RANBP2: variants seen among roughly 807,000 people sequenced by gnomAD.
The protein encoded by RANBP2 is E3 SUMO-protein ligase RanBP2.
A neutral mutation model predicts 303.6 loss-of-function variants in RANBP2; 57 were observed. That is an observed-to-expected ratio of 0.19 (90% CI 0.15 to 0.23). The LOEUF (loss-of-function observed/expected upper bound fraction) is 0.23. RANBP2 is among the 10% of genes least tolerant of loss of function. The pLI, the probability that RANBP2 is intolerant of heterozygous loss-of-function variation, is 1.00. For missense variants in RANBP2, 3,138 were observed against 3,780.8 expected (o/e 0.83, Z 4.46); for synonymous variants, 1,167 against 1,301.5 (o/e 0.90, Z 2.23).
chr2:109,102,304 G>C, the RANBP2 span, among the ~76,000 whole-genome samples: 3 of 151,746 alleles, frequency 2.0e-5, no homozygotes, highest in Non-Finnish European at 2.9e-5. Flanking sequence ...GTTTCACCGT[G>C]TTAGCCAGGA....
At chr2:109,686,985 G>T in the RANBP2 span, among the ~76,000 whole-genome samples, 139 of 152,298 alleles carry the variant, frequency 9.1e-4, no homozygotes, top group Non-Finnish European at 1.7e-3. Context: ...AAAGTTGCTG[G>T]TTTGAACAGG....
chr2:108,764,059 C>T lies in RANBP2; in HGVS notation c.3520C>T (p.Pro1174Ser). 1 of 1,613,940 alleles carries T rather than the reference C, an allele frequency of 6.2e-7. No individual in the cohort carries two copies. Among genetic ancestry groups the T allele is most frequent in the Non-Finnish European group, 8.5e-7 (1 of 1,179,956 alleles). Reference protein sequence around the residue: ...DDDDDGPHFEPVVPLPDKIEV... With the variant: ...DDDDDGPHFESVVPLPDKIEV... ...TGATGATGACGGTCCTCACTTTGAG[C>T]CTGTAGTACCTCTTCCTGATAAGAT... Residue 1174 changes from proline to serine, a missense_variant, in exon 20 of 29, where the codon CCT (proline) becomes TCT (serine). Transcript: ENST00000283195.
chr2:108,737,854 C>T (rs1456742497), intron 6 of RANBP2, among the ~76,000 whole-genome samples: 3 of 147,114 alleles, frequency 2.0e-5, no homozygotes, highest in Admixed American at 1.3e-4. Context: ...GCTGGGACTA[C>T]AGGCGCCCAC....
At chr2:109,646,344 T>G in the RANBP2 span, among the ~76,000 whole-genome samples, 1 of 152,106 alleles carries the variant, frequency 6.6e-6, no homozygotes, top group Non-Finnish European at 1.5e-5. Context: ...TTTAAAAAAT[T>G]AAATGAATTT....
chr2:108,776,387 GTTAAA>G (rs950218082), intron 24 of RANBP2, among the ~76,000 whole-genome samples: 7 of 152,054 alleles, frequency 4.6e-5, no homozygotes, highest in Admixed American at 4.6e-4. Flanking sequence ...TTTAAAGCTT[GTTAAA>G]TTAATTATTC....
chr2:109,202,463 C>G, the RANBP2 span, among the ~76,000 whole-genome samples: 1 of 152,196 alleles, frequency 6.6e-6, no homozygotes, highest in African/African-American at 2.4e-5. Context: ...TTACACAGTA[C>G]TTTTTCTCTT....
the RANBP2 span, among the ~76,000 whole-genome samples, chr2:109,513,044 G>C: frequency 6.6e-6 from 1 of 152,190 alleles, no homozygotes; most frequent in Non-Finnish European, 1.5e-5. Context: ...AAGGTGCAAG[G>C]CCCGAAGGAG....
At chr2:109,333,270 C>A in the RANBP2 span, among the ~76,000 whole-genome samples, 2 of 152,334 alleles carry the variant, frequency 1.3e-5, no homozygotes, top group East Asian at 3.9e-4. Context: ...TGATTAGTTT[C>A]GCCTTTTAAA....
chr2:109,774,532 T>A, the RANBP2 span, among the ~76,000 whole-genome samples: 2 of 91,686 alleles, frequency 2.2e-5, no homozygotes, highest in African/African-American at 1.2e-4. Flanking sequence ...TTATATATAT[T>A]ATATATAAAA....
chr2:109,253,710 A>G, the RANBP2 span, among the ~76,000 whole-genome samples: 1 of 152,214 alleles, frequency 6.6e-6, no homozygotes, highest in African/African-American at 2.4e-5. Context: ...AATAGAACAT[A>G]TAATAGAACA....
the RANBP2 span, among the ~76,000 whole-genome samples, chr2:109,360,400 C>G: frequency 6.6e-6 from 1 of 151,992 alleles, no homozygotes; most frequent in African/African-American, 2.4e-5. Flanking sequence ...TTTGTAGGCT[C>G]GATGTACACA....
At chr2:108,904,025 A>G in the RANBP2 span, among the ~76,000 whole-genome samples, 1 of 152,212 alleles carries the variant, frequency 6.6e-6, no homozygotes, top group African/African-American at 2.4e-5. Context: ...AAGATAAGCT[A>G]AACTATAGAA....
the RANBP2 span, among the ~76,000 whole-genome samples, chr2:109,318,469 G>T: frequency 6.6e-5 from 10 of 152,184 alleles, no homozygotes; most frequent in Non-Finnish European, 1.2e-4. Context: ...CTCGGCATAC[G>T]CGTTTATCTG....
chr2:108,935,774 G>A, the RANBP2 span, among the ~76,000 whole-genome samples: 2 of 152,206 alleles, frequency 1.3e-5, no homozygotes, highest in Admixed American at 1.3e-4. Context: ...CCTAAGGACG[G>A]TGCCAGACAG....
At chr2:108,833,659 A>G in the RANBP2 span, among the ~76,000 whole-genome samples, 1 of 152,166 alleles carries the variant, frequency 6.6e-6, no homozygotes, top group East Asian at 1.9e-4. Context: ...GTACTTACAT[A>G]ATAAGAAACG....
chr2:109,414,416 T>C, the RANBP2 span, among the ~76,000 whole-genome samples: 1 of 152,012 alleles, frequency 6.6e-6, no homozygotes, highest in Non-Finnish European at 1.5e-5. Flanking sequence ...TTTCATCTGG[T>C]TTTTCAGTTT....
chr2:109,292,320 G>C, the RANBP2 span, among the ~76,000 whole-genome samples: 9 of 152,198 alleles, frequency 5.9e-5, no homozygotes, highest in African/African-American at 2.2e-4. Flanking sequence ...TAGTGTATTG[G>C]GGTTCCACAT....
the RANBP2 span, among the ~76,000 whole-genome samples, chr2:109,126,414 C>T: frequency 6.6e-6 from 1 of 152,176 alleles, no homozygotes; most frequent in African/African-American, 2.4e-5. Context: ...GACTGCCCAG[C>T]ACGGCAATTC....
chr2:108,730,515 T>C (rs1170658430), intron 2 of RANBP2, among the ~76,000 whole-genome samples: 2 of 152,208 alleles, frequency 1.3e-5, no homozygotes, highest in East Asian at 3.8e-4. Flanking sequence ...TCATTTCTTA[T>C]GTGTGGATAA....
Sources: allele counts gnomAD v4.1 joint callset (sites outside exome capture counted in the v4.1 genomes callset), GRCh38; gene constraint gnomAD v4.1.1; transcripts MANE v1.5; gene names NCBI Gene and HGNC (gene_info 2026-07-23, HGNC 2026-07-21).